USP13: variants seen among roughly 807,000 people sequenced by gnomAD.
USP13 encodes ubiquitin specific peptidase 13, also known as ubiquitin carboxyl-terminal hydrolase 13.
In USP13, 68 loss-of-function variants were observed where a neutral mutation model predicts 107.8. The ratio of observed to expected loss-of-function variants is 0.63; its 90% CI spans 0.52 to 0.77. USP13 has a LOEUF of 0.77. Among genes scored for constraint, USP13 ranks in the 30% least tolerant of loss-of-function variants. The pLI, the probability that USP13 is intolerant of heterozygous loss-of-function variation, is 0.00. For missense variants in USP13, 945 were observed against 1,093.3 expected (o/e 0.86, Z 1.91); for synonymous variants, 377 against 389.5 (o/e 0.97, Z 0.38).
intron 3 of USP13, among the ~76,000 whole-genome samples, chr3:179,693,918 G>C (rs1187140268): frequency 6.6e-6 from 1 of 150,598 alleles, no homozygotes. Context: ...ACCTCAGGTG[G>C]TCTGCCCACC....
chr3:179,691,531 T>C (rs140948588), intron 3 of USP13, among the ~76,000 whole-genome samples: 216 of 152,344 alleles, frequency 1.4e-3, no homozygotes, highest in African/African-American at 4.9e-3. Flanking sequence ...TCTTAGTGCA[T>C]GGTATCAGGG....
intron 7 of USP13, 28 bp downstream of exon 7, chr3:179,720,062 A>G: frequency 1.3e-6 from 2 of 1,586,618 alleles, no homozygotes; most frequent in South Asian, 1.1e-5. Context: ...TTCTGTTTCC[A>G]TCTTGCATGG....
At chr3:179,777,407 A>G (rs1344339882) in intron 19 of USP13, among the ~76,000 whole-genome samples, 1 of 150,288 alleles carries the variant, frequency 6.7e-6, no homozygotes, top group Non-Finnish European at 1.5e-5. Context: ...TTGTGGGGAA[A>G]AGCCTTGATT....
At chr3:179,781,253 C>G (rs932055108) in intron 19 of USP13, among the ~76,000 whole-genome samples, 1 of 152,184 alleles carries the variant, frequency 6.6e-6, no homozygotes, top group Non-Finnish European at 1.5e-5. Flanking sequence ...CAGTTATCTG[C>G]TCTCTTCCTT....
chr3:179,780,099 T>A (rs1715692895), intron 19 of USP13, among the ~76,000 whole-genome samples: 1 of 152,232 alleles, frequency 6.6e-6, no homozygotes, highest in African/African-American at 2.4e-5. Flanking sequence ...ATAAAATGTA[T>A]CTACAAAAAC....
At chr3:179,661,987 C>T (rs367955561) in intron 1 of USP13, among the ~76,000 whole-genome samples, 1 of 152,132 alleles carries the variant, frequency 6.6e-6, no homozygotes, top group Non-Finnish European at 1.5e-5. Flanking sequence ...TTTCTTGTGA[C>T]GCTTGTACAT....
At chr3:179,774,043 T>C (rs1715422158) in intron 19 of USP13, among the ~76,000 whole-genome samples, 1 of 152,172 alleles carries the variant, frequency 6.6e-6, no homozygotes, top group Non-Finnish European at 1.5e-5. Context: ...CTTCAGAGTA[T>C]ACAAGAAGCA....
At chr3:179,710,715 G>T (rs1353928134) in intron 6 of USP13, among the ~76,000 whole-genome samples, 3 of 152,192 alleles carry the variant, frequency 2.0e-5, no homozygotes, top group Admixed American at 2.0e-4. Flanking sequence ...ACATTGCAGA[G>T]TATACTTGGA....
chr3:179,685,326 A>C (rs1711831282), intron 2 of USP13, among the ~76,000 whole-genome samples: 1 of 152,094 alleles, frequency 6.6e-6, no homozygotes, highest in South Asian at 2.1e-4. Context: ...TAGTTATAAT[A>C]GTTTGTGCAC....
chr3:179,780,730 TGA>T (rs1219691794), intron 19 of USP13, among the ~76,000 whole-genome samples: 1 of 152,108 alleles, frequency 6.6e-6, no homozygotes, highest in African/African-American at 2.4e-5. Flanking sequence ...GATTGACAGC[TGA>T]GTAAGTTGAA....
rs544270116 is a variant in USP13 at position 179,744,912 on chromosome 3, CTG to C, written c.1535-129_1535-128del. 490 of 1,099,460 alleles carry C rather than the reference CTG, an allele frequency of 4.5e-4. 2 individuals are homozygous for C. The African/African-American group carries it at 7.3e-3, about 16-fold the overall frequency. The allele number at this position is 1,099,460 out of a possible 1,614,324, so 68.1% of individuals were successfully genotyped here. A position where few individuals can be genotyped will look rare whatever the true frequency, so the allele number is the denominator to read the frequency against. ...AGCCTTTCAGCAGGGGCATCTGGCT[CTG>C]TAAAGGGCGACAAATAAGCAACTCT... is the stretch of plus-strand genomic sequence containing the variant. On this transcript the variant is annotated intron_variant, in intron 12 of 20. Transcript: ENST00000263966.
chr3:179,718,905 C>A (rs1251704951), intron 6 of USP13, among the ~76,000 whole-genome samples: 2 of 151,980 alleles, frequency 1.3e-5, no homozygotes, highest in African/African-American at 2.4e-5. Context: ...TACAGGCGCC[C>A]GCCACCACGC....
chr3:179,737,357 G>T (rs1714028834), intron 10 of USP13, among the ~76,000 whole-genome samples: 1 of 152,182 alleles, frequency 6.6e-6, no homozygotes, highest in African/African-American at 2.4e-5. Context: ...TATATGTAAA[G>T]TGTTAAGAAC....
intron 2 of USP13, among the ~76,000 whole-genome samples, chr3:179,682,504 C>T (rs895558635): frequency 3.9e-5 from 6 of 152,128 alleles, no homozygotes; most frequent in African/African-American, 1.2e-4. Context: ...TATTCAAGAA[C>T]AATATATAGT....
intron 1 of USP13, among the ~76,000 whole-genome samples, chr3:179,659,643 C>G (rs1010208002): frequency 6.6e-6 from 1 of 152,156 alleles, no homozygotes; most frequent in Non-Finnish European, 1.5e-5. Flanking sequence ...TATACTATTA[C>G]CATTTTGCAG....
intron 1 of USP13, among the ~76,000 whole-genome samples, chr3:179,669,188 C>T (rs1388792582): frequency 2.0e-5 from 3 of 152,182 alleles, no homozygotes; most frequent in East Asian, 1.9e-4. Context: ...TGGCTGGGCG[C>T]GGTGGCTCAC....
At chr3:179,750,326 G>GTGTGTATATATATATATATATATATATA (rs1553797370) in intron 13 of USP13, among the ~76,000 whole-genome samples, 110 of 75,798 alleles carry the variant, frequency 1.5e-3, no homozygotes, top group Admixed American at 0.013. Flanking sequence ...ATATATGTGT[G>GTGTGTATATATATATATATATATATATA]TATATATATA....
chr3:179,751,498 ACT>A (rs1407168299), intron 13 of USP13, among the ~76,000 whole-genome samples: 2 of 151,984 alleles, frequency 1.3e-5, no homozygotes, highest in African/African-American at 4.8e-5. Flanking sequence ...TAAGACAGTG[ACT>A]CTGTGTGGAA....
chr3:179,755,064 A>C (rs1714741776), intron 15 of USP13, among the ~76,000 whole-genome samples: 2 of 152,044 alleles, frequency 1.3e-5, no homozygotes, highest in African/African-American at 4.8e-5. Flanking sequence ...CAGACCCATC[A>C]TGTGTGGTTG....
Sources: allele counts gnomAD v4.1 joint callset (sites outside exome capture counted in the v4.1 genomes callset), GRCh38; gene constraint gnomAD v4.1.1; transcripts MANE v1.5; gene names NCBI Gene and HGNC (gene_info 2026-07-23, HGNC 2026-07-21).